Variants in IQSEC1 observed in about 807,000 individuals in gnomAD.
IQSEC1 encodes the protein IQ motif and Sec7 domain ArfGEF 1.
In IQSEC1, 31 loss-of-function variants were observed where a neutral mutation model predicts 91.0. The observed-to-expected ratio is 0.34, with a 90% confidence interval of 0.26 to 0.46. The LOEUF (loss-of-function observed/expected upper bound fraction) is 0.46. Among genes scored for constraint, IQSEC1 ranks in the 20% least tolerant of loss-of-function variants. IQSEC1 has a pLI of 1.00. For synonymous variants in IQSEC1, 699 were observed against 662.6 expected (o/e 1.05, Z -0.84); for missense variants, 1,388 against 1,575.6 (o/e 0.88, Z 2.02).
chr3:13,168,478 T>C (rs1214297288), intron 1 of IQSEC1, among the ~76,000 whole-genome samples: 4 of 152,176 alleles, frequency 2.6e-5, no homozygotes. Context: ...CCATGAGGCC[T>C]TCAGCAGCTC....
intron 2 of IQSEC1, among the ~76,000 whole-genome samples, chr3:13,148,881 CCCCCTGAAGGGTAA>C (rs1407362204): frequency 6.6e-6 from 1 of 152,260 alleles, no homozygotes; most frequent in African/African-American, 2.4e-5. Flanking sequence ...GCTGGCGAGA[CCCCCTGAAGGGTAA>C]CCTCTCCCGC....
intron 1 of IQSEC1, among the ~76,000 whole-genome samples, chr3:13,184,836 G>C (rs928851455): frequency 6.6e-6 from 1 of 152,192 alleles, no homozygotes; most frequent in Admixed American, 6.5e-5. Context: ...AAAAGCAAGG[G>C]AGCGATAAAC....
chr3:12,918,251 C>CAGCT (rs1252825779), intron 6 of IQSEC1, among the ~76,000 whole-genome samples: 1 of 152,228 alleles, frequency 6.6e-6, no homozygotes, highest in Admixed American at 6.5e-5. Flanking sequence ...ACAGAACCTG[C>CAGCT]AGCTCCCTTC....
At chr3:12,963,664 T>C (rs1700378637) in intron 1 of IQSEC1, among the ~76,000 whole-genome samples, 1 of 152,138 alleles carries the variant, frequency 6.6e-6, no homozygotes, top group African/African-American at 2.4e-5. Context: ...GAAGGCAACA[T>C]ATCTGAGGCC....
chr3:12,921,661 G>A (rs981036975), intron 5 of IQSEC1, among the ~76,000 whole-genome samples: 3 of 152,012 alleles, frequency 2.0e-5, no homozygotes, highest in Admixed American at 1.3e-4. Context: ...CCACAGAGCC[G>A]GTAAGTGGTA....
intron 1 of IQSEC1, among the ~76,000 whole-genome samples, chr3:12,962,940 T>C (rs892532599): frequency 2.6e-5 from 4 of 152,230 alleles, no homozygotes; most frequent in Non-Finnish European, 4.4e-5. Context: ...TGTGGCAGTA[T>C]AGGGAAGAAG....
chr3:12,964,154 G>A (rs1245771264), intron 1 of IQSEC1, among the ~76,000 whole-genome samples: 1 of 152,238 alleles, frequency 6.6e-6, no homozygotes, highest in Non-Finnish European at 1.5e-5. Context: ...CCTCTCTGCA[G>A]CAGCTCATGC....
chr3:12,986,420 T>G (rs1437091448), intron 1 of IQSEC1, among the ~76,000 whole-genome samples: 1 of 152,246 alleles, frequency 6.6e-6, no homozygotes, highest in African/African-American at 2.4e-5. Context: ...ACTACTGAGA[T>G]GCAGGTGGCC....
At chr3:13,262,393 G>T (rs985278636) in intron 1 of IQSEC1, among the ~76,000 whole-genome samples, 1 of 152,158 alleles carries the variant, frequency 6.6e-6, no homozygotes, top group African/African-American at 2.4e-5. Context: ...GAGGGGCCTG[G>T]GGCTATCCTG....
At chr3:13,200,271 C>CA (rs56805734) in intron 1 of IQSEC1, among the ~76,000 whole-genome samples, 3 of 150,144 alleles carry the variant, frequency 2.0e-5, no homozygotes, top group African/African-American at 5.0e-5. Context: ...CACACACACA[C>CA]CACACACACA....
intron 1 of IQSEC1, among the ~76,000 whole-genome samples, chr3:13,252,730 T>TTTTTTTTGTTTG (rs60219953): frequency 6.6e-6 from 1 of 150,844 alleles, no homozygotes; most frequent in African/African-American, 2.5e-5. Context: ...TTTTTTTTGT[T>TTTTTTTTGTTTG]TTTGTTTGTT....
chr3:12,944,234 T>C (rs931473389), intron 1 of IQSEC1, among the ~76,000 whole-genome samples: 2 of 152,164 alleles, frequency 1.3e-5, no homozygotes, highest in Non-Finnish European at 1.5e-5. Context: ...GCAGCCTCCT[T>C]TGGACCTGGT....
chr3:12,953,021 T>A (rs1699662311), intron 1 of IQSEC1, among the ~76,000 whole-genome samples: 1 of 152,152 alleles, frequency 6.6e-6, no homozygotes, highest in South Asian at 2.1e-4. Context: ...GCCTCACTGT[T>A]CTCTGAGGGG....
chr3:13,198,839 GTTA>G (rs1694185946), intron 1 of IQSEC1, among the ~76,000 whole-genome samples: 1 of 152,206 alleles, frequency 6.6e-6, no homozygotes, highest in South Asian at 2.1e-4. Flanking sequence ...GGAGTGAGGA[GTTA>G]TTATTCTGCT....
upstream of IQSEC1, among the ~76,000 whole-genome samples, chr3:13,077,760 G>A (rs1705585652): frequency 6.6e-6 from 1 of 152,172 alleles, no homozygotes; most frequent in African/African-American, 2.4e-5. Context: ...CTGGAAGCCT[G>A]GCAAACACCT....
intron 1 of IQSEC1, among the ~76,000 whole-genome samples, chr3:13,001,160 C>G (rs1702406647): frequency 6.6e-6 from 1 of 151,886 alleles, no homozygotes; most frequent in African/African-American, 2.4e-5. Context: ...GGGGTTTCAC[C>G]ATGTTGGCCA....
At chr3:13,087,873 C>A (rs898961721) in intron 2 of IQSEC1, among the ~76,000 whole-genome samples, 1 of 152,192 alleles carries the variant, frequency 6.6e-6, no homozygotes, top group Non-Finnish European at 1.5e-5. Flanking sequence ...GGGGGCCGAA[C>A]TTATCCTGTT....
At chr3:13,177,642 G>A (rs1308195664) in intron 1 of IQSEC1, among the ~76,000 whole-genome samples, 1 of 152,210 alleles carries the variant, frequency 6.6e-6, no homozygotes, top group African/African-American at 2.4e-5. Context: ...GGGGAGGTGA[G>A]AGGGGAACTC....
At chr3:12,986,900 TG>T (rs1443455843) in intron 1 of IQSEC1, 55 of 305,746 alleles carry the variant, frequency 1.8e-4, no homozygotes, top group Middle Eastern at 1.7e-3. Context: ...AGAAGGAGCT[TG>T]GGAGGGGACA....
Sources: allele counts gnomAD v4.1 joint callset (sites outside exome capture counted in the v4.1 genomes callset), GRCh38; gene constraint gnomAD v4.1.1; transcripts MANE v1.5; gene names NCBI Gene and HGNC (gene_info 2026-07-23, HGNC 2026-07-21).